Variants in RPAP3 observed in about 807,000 individuals in gnomAD.
The protein encoded by RPAP3 is RNA polymerase II-associated protein 3.
RPAP3 carries 58 observed loss-of-function variants against 88.8 expected under a neutral mutation model. The observed-to-expected ratio is 0.65, with a 90% CI of 0.53 to 0.81. The LOEUF (loss-of-function observed/expected upper bound fraction) is 0.81, where lower values mean the gene tolerates loss of function less well. RPAP3 is among the 40% of genes least tolerant of loss of function. The pLI, the probability that RPAP3 is intolerant of heterozygous loss-of-function variation, is 0.00. For missense variants in RPAP3, 751 were observed against 764.3 expected (o/e 0.98, Z 0.20); for synonymous variants, 255 against 259.9 (o/e 0.98, Z 0.18).
At chr12:47,663,663 G>A (rs1938805562) in intron 16 of RPAP3, 73 bp from the exon 17 acceptor site, 2 of 836,710 alleles carry the variant, frequency 2.4e-6, no homozygotes, top group African/African-American at 1.7e-5. Context: ...ATTAAAAGGA[G>A]CAATCTATTT....
intron 3 of RPAP3, chr12:47,699,464 T>G (rs1363756014): frequency 1.3e-5 from 2 of 152,160 alleles, no homozygotes; most frequent in Non-Finnish European, 2.9e-5. Context: ...GACTCAAAAT[T>G]TTACCTCTCT....
intron 8 of RPAP3, 90 bp from the exon 9 acceptor site, chr12:47,686,997 TCACCAA>T: frequency 1.4e-6 from 1 of 706,986 alleles, no homozygotes; most frequent in Non-Finnish European, 2.2e-6. Flanking sequence ...GCAAGGATAT[TCACCAA>T]CAGTATTTCA....
intron 1 of RPAP3, among the ~76,000 whole-genome samples, chr12:47,703,912 G>A (rs1009101464): frequency 2.6e-5 from 4 of 152,124 alleles, no homozygotes; most frequent in African/African-American, 7.2e-5. Context: ...TTGGGACCCC[G>A]GTAAGATTAC....
intron 5 of RPAP3, among the ~76,000 whole-genome samples, chr12:47,693,223 G>A (rs1939462228): frequency 6.6e-6 from 1 of 152,168 alleles, no homozygotes; most frequent in Admixed American, 6.5e-5. Flanking sequence ...ATACTGTTGT[G>A]TCTCAGGGAA....
chr12:47,698,886 C>T (rs985239060), intron 3 of RPAP3, among the ~76,000 whole-genome samples: 14 of 151,774 alleles, frequency 9.2e-5, no homozygotes, highest in Non-Finnish European at 1.9e-4. Context: ...CATTCAAACA[C>T]TAAAGTTATT....
chr12:47,689,781 C>T (rs1433918869), intron 6 of RPAP3, among the ~76,000 whole-genome samples: 1 of 152,164 alleles, frequency 6.6e-6, no homozygotes, highest in Non-Finnish European at 1.5e-5. Flanking sequence ...GTGGCTCACT[C>T]CTGTAATCCC....
chr12:47,669,670 C>T (rs1181982885), intron 13 of RPAP3, among the ~76,000 whole-genome samples: 1 of 152,118 alleles, frequency 6.6e-6, no homozygotes, highest in Middle Eastern at 3.4e-3. Flanking sequence ...TTCTCATTAT[C>T]AAGAAAAAAC....
At chr12:47,704,574 C>T (rs2136649958) in intron 1 of RPAP3, among the ~76,000 whole-genome samples, 1 of 151,274 alleles carries the variant, frequency 6.6e-6, no homozygotes, top group South Asian at 2.1e-4. Context: ...GACGGGGTTT[C>T]ACCACGTTGG....
intron 13 of RPAP3, 127 bp from the exon 14 acceptor site, chr12:47,669,229 G>T: frequency 1.8e-6 from 1 of 568,504 alleles, no homozygotes; most frequent in African/African-American, 1.9e-5. Context: ...TATTATACAA[G>T]CATTCAATTA....
At chr12:47,694,253 C>G (rs1210322113) in intron 5 of RPAP3, among the ~76,000 whole-genome samples, 1 of 152,118 alleles carries the variant, frequency 6.6e-6, no homozygotes, top group Non-Finnish European at 1.5e-5. Context: ...GTGTAAAGAA[C>G]AGAGATGAGA....
chr12:47,667,012 G>A lies in RPAP3; in HGVS notation c.1880C>T (p.Ala627Val). The stretch of plus-strand genomic sequence containing the variant: ...CTCTGTTTCTGACATAAACATCACT[G>A]CCATATCAAACCTTTTTAGTTCAGA... ...RLSELKRFDM[A>V]VMFMSETEKK... The change falls in exon 16 of 17, where the codon GCA becomes GTA. Residue 627 changes from alanine (A) to valine (V), a missense_variant. Ala to Val is a moderately conservative substitution (Grantham distance 64). Coordinates refer to ENST00000005386, the MANE Select transcript of RPAP3 (RefSeq NM_024604.3). 6.5e-7 allele frequency: 1 copy of A among 1,544,946 alleles called. No homozygotes were observed. The highest frequency in any genetic ancestry group is 8.7e-7 in the Non-Finnish European group (1 of 1,153,466).
At chr12:47,697,485 C>T in intron 4 of RPAP3, 112 bp downstream of exon 4, 1 of 1,002,976 alleles carries the variant, frequency 1.0e-6, no homozygotes, top group Non-Finnish European at 1.4e-6. Flanking sequence ...TAGCCAAAAA[C>T]AACATAAAGT....
At chr12:47,699,430 T>C (rs1166091552) in intron 3 of RPAP3, 4 of 137,858 alleles carry the variant, frequency 2.9e-5, no homozygotes, top group African/African-American at 1.0e-4. Flanking sequence ...TTTCAGAAAG[T>C]AGTTCCAACA....
intron 16 of RPAP3, 89 bp from the exon 17 acceptor site, chr12:47,663,679 A>G: frequency 1.3e-6 from 1 of 741,016 alleles, no homozygotes; most frequent in East Asian, 2.8e-5. Context: ...TATTTGTCAA[A>G]AACATTTTAC....
intron 10 of RPAP3, 36 bp from the exon 11 acceptor site, chr12:47,679,810 T>C: frequency 1.4e-6 from 2 of 1,407,370 alleles, no homozygotes; most frequent in Non-Finnish European, 2.0e-6. Context: ...ACAACATAGT[T>C]AAAATGTGGA....
At chr12:47,667,176 AATGAC>A in intron 15 of RPAP3, 96 bp from the exon 16 acceptor site, 1 of 462,308 alleles carries the variant, frequency 2.2e-6, no homozygotes, top group Non-Finnish European at 3.6e-6. Context: ...ATTATACATA[AATGAC>A]ATCATTTTTT....
chr12:47,702,019 C>G (rs1307176163), intron 2 of RPAP3, among the ~76,000 whole-genome samples: 1 of 152,122 alleles, frequency 6.6e-6, no homozygotes, highest in Non-Finnish European at 1.5e-5. Flanking sequence ...TTGGTTGAAC[C>G]TAGGTACTAT....
intron 10 of RPAP3, 73 bp downstream of exon 10, chr12:47,681,623 C>T: frequency 4.1e-6 from 6 of 1,471,024 alleles, no homozygotes; most frequent in Non-Finnish European, 5.6e-6. Flanking sequence ...CATGGGTAAG[C>T]TACATGAATC....
At chr12:47,683,901 G>A (rs890740249) in intron 9 of RPAP3, among the ~76,000 whole-genome samples, 3 of 152,056 alleles carry the variant, frequency 2.0e-5, no homozygotes, top group Non-Finnish European at 4.4e-5. Context: ...GTCTTAGTCT[G>A]GTTCCAGTTC....
Sources: gnomAD v4.1 joint callset for allele counts (sites outside exome capture counted in the v4.1 genomes callset) on GRCh38, gnomAD v4.1.1 for gene constraint, MANE v1.5 for transcripts, NCBI Gene and HGNC (gene_info 2026-07-23, HGNC 2026-07-21) for gene names.